The following TTC7B variants were observed in gnomAD, a reference collection of about 807,000 sequenced individuals.
The protein encoded by TTC7B is tetratricopeptide repeat domain 7B.
TTC7B carries 28 observed loss-of-function variants against 106.8 expected under a neutral mutation model. That is an observed-to-expected ratio of 0.26 (90% CI 0.19 to 0.36). The LOEUF (loss-of-function observed/expected upper bound fraction) is 0.36, where lower values mean the gene tolerates loss of function less well. Ranked by LOEUF, TTC7B falls within the 10% of genes least tolerant of loss-of-function variation. The pLI is 1.00. For missense variants in TTC7B, 862 were observed against 1,076.4 expected, an observed-to-expected ratio of 0.80 and a Z score of 2.79; for synonymous variants, 405 against 430.6, an observed-to-expected ratio of 0.94 and a Z score of 0.74.
intron 15 of TTC7B, among the ~76,000 whole-genome samples, chr14:90,640,595 T>C (rs959961604): frequency 6.6e-6 from 1 of 152,222 alleles, no homozygotes; most frequent in Admixed American, 6.5e-5. Context: ...ATATATTTAA[T>C]AAACATTCAT....
chr14:90,671,366 A>G lies in TTC7B; in HGVS notation c.1152+5157T>C, dbSNP rs1886625258. 2.0e-5 allele frequency among the ~76,000 whole-genome samples: 3 copies of G among 152,358 alleles called. No individual in the cohort carries two copies. The South Asian group carries it at 6.2e-4, about 32-fold the overall frequency. On this transcript the variant is annotated intron_variant, in intron 9 of 19. Transcript: ENST00000328459. ...TGAATATGAGTTCAACAGGAAAGAT[A>G]AAAATACCATTCCTGTCTTTAAAGC...
intron 8 of TTC7B, 140 bp downstream of exon 8, chr14:90,680,332 C>G: frequency 1.6e-6 from 1 of 626,142 alleles, no homozygotes; most frequent in Non-Finnish European, 2.8e-6. Context: ...TAAACCTCTA[C>G]TGTTTTTTCC....
At chr14:90,783,555 C>G (rs946595973) in intron 2 of TTC7B, among the ~76,000 whole-genome samples, 1 of 152,196 alleles carries the variant, frequency 6.6e-6, no homozygotes, top group Non-Finnish European at 1.5e-5. Context: ...AGCTGAGAAA[C>G]ATGAAGCTCA....
At chr14:90,607,381 A>G (rs534896619) in intron 17 of TTC7B, among the ~76,000 whole-genome samples, 1 of 152,060 alleles carries the variant, frequency 6.6e-6, no homozygotes, top group Non-Finnish European at 1.5e-5. Flanking sequence ...CTTGTGTCGG[A>G]CGCCTGTGCC....
chr14:90,676,545 C>G lies in TTC7B; in HGVS notation c.1130G>C (p.Gly377Ala). Residue 377 changes from glycine (G) to alanine (A), a missense_variant, in exon 9 of 20, where the codon GGC becomes GCC. Gly to Ala is a moderately conservative substitution (Grantham distance 60). Transcript: ENST00000328459. ...DLLTIALGRR[G>A]QYEMLSECLE... ...TACCTCTGACAGCATCTCATACTGG[C>G]CTCTTCTTCCAAGAGCAATGGTGAG... 1.2e-6 allele frequency: 2 copies of G among 1,614,078 alleles called. No individual in the cohort carries two copies. Among genetic ancestry groups the G allele is most frequent in the Non-Finnish European group, 1.7e-6 (2 of 1,179,958 alleles).
At position 90,624,897 on chromosome 14, in the gene TTC7B, CT is replaced by C. The variant is rs1255518332; in HGVS notation, c.1752-6853del. ...TCTGCATGCCAGGGACCTGCTCTTT[CT>C]TTGTTTATCTACTGAATGCAGGCAG... On this transcript the variant is annotated intron_variant, in intron 15 of 19. Coordinates refer to ENST00000328459, the MANE Select transcript of TTC7B (RefSeq NM_001010854.2). The surrounding 1 kb of genome is among the most constrained non-coding windows in gnomAD (Gnocchi z 4.0). Among the ~76,000 whole-genome samples, 1 of 152,192 alleles carries C rather than the reference CT, an allele frequency of 6.6e-6. No individual in the cohort carries two copies. The highest frequency in any genetic ancestry group is 2.4e-5 in the African/African-American group (1 of 41,446).
At chr14:90,667,467 G>C (rs1886456212) in intron 9 of TTC7B, among the ~76,000 whole-genome samples, 1 of 152,118 alleles carries the variant, frequency 6.6e-6, no homozygotes, top group African/African-American at 2.4e-5. Flanking sequence ...CATCAATTTG[G>C]TGAGAGGGGG....
intron 19 of TTC7B, among the ~76,000 whole-genome samples, chr14:90,565,771 T>C (rs368703305): frequency 6.6e-6 from 1 of 152,064 alleles, no homozygotes; most frequent in Non-Finnish European, 1.5e-5. Flanking sequence ...TCACAGGCCA[T>C]TGTAAGGTTA....
intron 1 of TTC7B, 72 bp downstream of exon 1, chr14:90,816,103 G>C: frequency 1.0e-6 from 1 of 975,286 alleles, no homozygotes; most frequent in Non-Finnish European, 1.2e-6. Flanking sequence ...GCGCCCGGCC[G>C]CGCCTCGGGG....
In TTC7B at chr14:90,751,344, C is replaced by T. The variant is rs548113621; in HGVS notation, c.446-6422G>A. Reference sequence around the variant, plus strand: ...TTTATCTCCCTGCCACACAAGAGCGCTCCCACAGATAAACTCACTTCTGAA... The same window carrying T: ...TTTATCTCCCTGCCACACAAGAGCGTTCCCACAGATAAACTCACTTCTGAA... On this transcript the variant is annotated intron_variant, in intron 3 of 19. Coordinates refer to ENST00000328459, the MANE Select transcript of TTC7B (RefSeq NM_001010854.2). 2.8e-4 allele frequency among the ~76,000 whole-genome samples: 43 copies of T among 152,312 alleles called. 1 individual carries two copies. In the South Asian group the frequency reaches 8.9e-3, roughly 32 times the overall value.
At chr14:90,615,854 G>A (rs1004589138) in intron 16 of TTC7B, among the ~76,000 whole-genome samples, 5 of 152,140 alleles carry the variant, frequency 3.3e-5, no homozygotes, top group African/African-American at 7.2e-5. Context: ...GCGGGGAGCC[G>A]GAGGGGGAAT....
intron 3 of TTC7B, among the ~76,000 whole-genome samples, chr14:90,763,938 T>C (rs536121333): frequency 2.1e-4 from 32 of 152,294 alleles, no homozygotes; most frequent in African/African-American, 7.2e-4. Context: ...ACACAATCCC[T>C]ACCAAGAATT....
chr14:90,568,887 T>C (rs1486183069), intron 19 of TTC7B, among the ~76,000 whole-genome samples: 2 of 152,138 alleles, frequency 1.3e-5, no homozygotes, highest in Non-Finnish European at 2.9e-5. Context: ...GGAGAAAATA[T>C]TATAAGCTAA....
chr14:90,674,673 A>G (rs1275472878), intron 9 of TTC7B, among the ~76,000 whole-genome samples: 5 of 152,248 alleles, frequency 3.3e-5, no homozygotes, highest in Non-Finnish European at 5.9e-5. Flanking sequence ...GTGTTGAAGA[A>G]ATAAACATCT....
rs577373531 is a variant in TTC7B at position 90,693,200 on chromosome 14, G to T, written c.777+2300C>A. On this transcript the variant is annotated intron_variant, in intron 6 of 19. Coordinates refer to ENST00000328459, the MANE Select transcript of TTC7B (RefSeq NM_001010854.2). ...GTTGTTACATCAACTGTGACATGTG[G>T]CATTTGCTTAGTTTTAATAAGCACC... 2.6e-5 allele frequency among the ~76,000 whole-genome samples: 4 copies of T among 152,174 alleles called. No homozygotes were observed. In the East Asian group the frequency reaches 7.7e-4, roughly 29 times the overall value.
At chr14:90,809,261 A>G (rs1263350475) in intron 1 of TTC7B, among the ~76,000 whole-genome samples, 1 of 152,248 alleles carries the variant, frequency 6.6e-6, no homozygotes, top group Non-Finnish European at 1.5e-5. Context: ...TGTCACCCTT[A>G]AGCAAAAGGA....
At chr14:90,656,503 G>A (rs754705016) in intron 11 of TTC7B, among the ~76,000 whole-genome samples, 8 of 152,162 alleles carry the variant, frequency 5.3e-5, no homozygotes, top group African/African-American at 7.2e-5. Context: ...AGAAAAACGC[G>A]TATGTGAAGG....
chr14:90,756,819 G>A (rs538129706), intron 3 of TTC7B, among the ~76,000 whole-genome samples: 7 of 146,376 alleles, frequency 4.8e-5, no homozygotes, highest in African/African-American at 1.6e-4. Context: ...GCTTCCTCTG[G>A]ACTCTCTAAG....
chr14:90,708,216 T>A (rs1888294487), intron 5 of TTC7B, among the ~76,000 whole-genome samples: 1 of 151,378 alleles, frequency 6.6e-6, no homozygotes, highest in African/African-American at 2.4e-5. Flanking sequence ...TACAGAAAGT[T>A]ATCCAGAAGT....
Sources: allele counts gnomAD v4.1 joint callset (sites outside exome capture counted in the v4.1 genomes callset), GRCh38; gene constraint gnomAD v4.1.1; non-coding constraint Gnocchi (gnomAD v3.1); transcripts MANE v1.5; gene names NCBI Gene and HGNC (gene_info 2026-07-23, HGNC 2026-07-21).